SLC45A4: variants seen among roughly 807,000 people sequenced by gnomAD.
SLC45A4 encodes the protein polyamine-transporter SLC45A4.
A neutral mutation model predicts 63.7 loss-of-function variants in SLC45A4; 32 were observed. The ratio of observed to expected loss-of-function variants is 0.50; its 90% confidence interval spans 0.38 to 0.67. The LOEUF (loss-of-function observed/expected upper bound fraction) is 0.67, where lower values mean the gene tolerates loss of function less well. Ranked by LOEUF, SLC45A4 falls within the 30% of genes least tolerant of loss-of-function variation. The probability of loss-of-function intolerance (pLI) is 0.00; values close to 1 mark genes in which losing one functional copy is unlikely to be tolerated. For synonymous variants in SLC45A4, 535 were observed against 510.0 expected, an observed-to-expected ratio of 1.05 and a Z score of -0.66; for missense variants, 1,027 against 1,157.7, an observed-to-expected ratio of 0.89 and a Z score of 1.64.
In SLC45A4 at chr8:141,215,872, T is replaced by C. The variant is rs201465542; in HGVS notation, c.1828A>G (p.Met610Val). The C allele has an allele frequency of 9.2e-5, 149 of 1,614,016 alleles. No individual in the cohort carries two copies. The highest frequency in any genetic ancestry group is 1.1e-4 in the Non-Finnish European group (135 of 1,180,022). Residue 610 changes from methionine (M) to valine (V), a missense_variant, in exon 7 of 9, where the codon ATG (methionine) becomes GTG (valine). By Grantham distance (21) the Met-to-Val change is conservative. Coordinates refer to ENST00000517878, the MANE Select transcript of SLC45A4 (RefSeq NM_001286646.2). The surrounding 1 kb of genome is among the most constrained non-coding windows in gnomAD (Gnocchi z 4.3). The stretch of plus-strand genomic sequence containing the variant: ...ATGGCGACGTAGACGTTGGGAAACA[T>C]GGCCATCACGGCTGTGCCGACAGAG... The part of the protein sequence containing the change: ...GFSVGTAVMA[M>V]FPNVYVAMVT...
intron 2 of SLC45A4, among the ~76,000 whole-genome samples, chr8:141,233,932 A>G (rs1460049836): frequency 6.6e-6 from 1 of 152,146 alleles, no homozygotes; most frequent in African/African-American, 2.4e-5. Context: ...GGTTGAGTGG[A>G]GGCTGAATTC....
chr8:141,237,671 C>T (rs1416881889), intron 2 of SLC45A4, among the ~76,000 whole-genome samples: 1 of 152,182 alleles, frequency 6.6e-6, no homozygotes, highest in Non-Finnish European at 1.5e-5. Context: ...GCCCTCCATG[C>T]CTTCCCCGAA....
chr8:141,299,000 C>T (rs1431662646), intron 1 of SLC45A4, among the ~76,000 whole-genome samples: 1 of 151,974 alleles, frequency 6.6e-6, no homozygotes, highest in Non-Finnish European at 1.5e-5. Flanking sequence ...CCAGTGCCCC[C>T]ACCAGGCGCT....
intron 2 of SLC45A4, among the ~76,000 whole-genome samples, chr8:141,234,988 C>T (rs1449997337): frequency 4.6e-5 from 7 of 152,170 alleles, no homozygotes; most frequent in Admixed American, 3.3e-4. Context: ...GGAATGCGCC[C>T]GCTACCTAGC....
intron 1 of SLC45A4, among the ~76,000 whole-genome samples, chr8:141,294,406 C>T (rs1435006047): frequency 6.6e-6 from 1 of 152,236 alleles, no homozygotes; most frequent in Non-Finnish European, 1.5e-5. Flanking sequence ...CAGAGGCAGC[C>T]CTGACCCCAG....
At chr8:141,292,249 G>A (rs1323781039) in intron 1 of SLC45A4, among the ~76,000 whole-genome samples, 3 of 152,216 alleles carry the variant, frequency 2.0e-5, no homozygotes, top group Admixed American at 2.0e-4. Context: ...ACCAGGGCAC[G>A]CGGCATTCTG....
At chr8:141,244,964 G>GGC in intron 2 of SLC45A4, among the ~76,000 whole-genome samples, 1 of 123,042 alleles carries the variant, frequency 8.1e-6, no homozygotes, top group South Asian at 3.7e-4. Context: ...GGGTGGGGGG[G>GGC]GGGGGCGGTG....
chr8:141,284,173 C>T (rs921957716), intron 1 of SLC45A4, among the ~76,000 whole-genome samples: 1 of 152,240 alleles, frequency 6.6e-6, no homozygotes, highest in African/African-American at 2.4e-5. Flanking sequence ...CTAGATCAAT[C>T]GTTCATCTAG....
rs748696639 is a variant in SLC45A4, at chr8:141,218,612, G to C, written c.1028C>G (p.Thr343Ser). 1 of 1,613,400 alleles carries C rather than the reference G, an allele frequency of 6.2e-7. No individual in the cohort carries two copies. The highest frequency in any genetic ancestry group is 8.5e-7 in the Non-Finnish European group (1 of 1,179,886). Reference sequence around the variant, plus strand: ...GAGCTCCTGGCTGGTGCTGCGGGGGGTGGCGGGGTAGGAGGCGTCGTGGAA... The same window carrying C: ...GAGCTCCTGGCTGGTGCTGCGGGGGCTGGCGGGGTAGGAGGCGTCGTGGAA... The part of the protein sequence containing the change: ...SIFHDASYPA[T>S]PRSTSQELAK... Residue 343 changes from threonine (T) to serine (S), a missense_variant, in exon 5 of 9, where the codon ACC (threonine) becomes AGC (serine). Coordinates refer to ENST00000517878, the MANE Select transcript of SLC45A4 (RefSeq NM_001286646.2).
chr8:141,274,448 C>T (rs975135918), intron 1 of SLC45A4, among the ~76,000 whole-genome samples: 3 of 150,266 alleles, frequency 2.0e-5, no homozygotes, highest in East Asian at 3.9e-4. Context: ...GCAGGAGAAT[C>T]GCTTGAACCC....
In SLC45A4 at chr8:141,291,959, C is replaced by T. The variant is rs146117012; in HGVS notation, c.-401+16137G>A. Among the ~76,000 whole-genome samples, 40 of 152,360 alleles carry T rather than the reference C, an allele frequency of 2.6e-4. No individual in the cohort carries two copies. In the East Asian group the frequency reaches 5.6e-3, roughly 21 times the overall value. On this transcript the variant is annotated intron_variant, in intron 1 of 8. Coordinates refer to ENST00000517878, the MANE Select transcript of SLC45A4 (RefSeq NM_001286646.2). ...CATCTGCATGTTAGGTTCAAAGAAG[C>T]GGCTGGGACACTACCGCTCAACCCT...
intron 7 of SLC45A4, among the ~76,000 whole-genome samples, chr8:141,213,297 G>A (rs545978562): frequency 5.3e-4 from 80 of 152,310 alleles, no homozygotes; most frequent in African/African-American, 1.8e-3. Flanking sequence ...CTTTCCAAGC[G>A]TACACGGAAC....
At chr8:141,263,694 C>T (rs1215919034) in intron 1 of SLC45A4, among the ~76,000 whole-genome samples, 6 of 148,610 alleles carry the variant, frequency 4.0e-5, no homozygotes, top group South Asian at 2.1e-4. Flanking sequence ...TGCTTGAACC[C>T]GGGAGGCAGA....
At chr8:141,285,349 C>T (rs1830098948) in intron 1 of SLC45A4, among the ~76,000 whole-genome samples, 1 of 152,248 alleles carries the variant, frequency 6.6e-6, no homozygotes, top group African/African-American at 2.4e-5. Flanking sequence ...GCCTCGCCTA[C>T]GTTGGAAGAT....
chr8:141,231,906 A>C (rs1827375714), intron 2 of SLC45A4, among the ~76,000 whole-genome samples: 1 of 152,236 alleles, frequency 6.6e-6, no homozygotes, highest in African/African-American at 2.4e-5. Context: ...ACCCCACTTC[A>C]GTTCTTTACC....
chr8:141,271,620 C>A (rs1318127255), intron 1 of SLC45A4, among the ~76,000 whole-genome samples: 2 of 152,278 alleles, frequency 1.3e-5, no homozygotes, highest in African/African-American at 2.4e-5. Context: ...TCAGAAGGGG[C>A]CAGGGAAGCT....
chr8:141,228,222 G>A (rs1205891324), intron 2 of SLC45A4: 1 of 1,614,098 alleles, frequency 6.2e-7, no homozygotes, highest in Admixed American at 1.7e-5. Context: ...GACTCACAAG[G>A]GTCTTTGGAC....
intron 2 of SLC45A4, among the ~76,000 whole-genome samples, chr8:141,237,120 A>C (rs1454929061): frequency 6.6e-6 from 1 of 152,204 alleles, no homozygotes; most frequent in African/African-American, 2.4e-5. Context: ...AAGTTTGGAA[A>C]TTGCCAAAAT....
intron 2 of SLC45A4, chr8:141,252,158 C>T (rs1329169362): frequency 6.6e-6 from 1 of 151,836 alleles, no homozygotes; most frequent in Non-Finnish European, 1.5e-5. Flanking sequence ...TACCAGATAC[C>T]TTATATTGCT....
Sources: allele counts gnomAD v4.1 joint callset (sites outside exome capture counted in the v4.1 genomes callset), GRCh38; gene constraint gnomAD v4.1.1; non-coding constraint Gnocchi (gnomAD v3.1); transcripts MANE v1.5; gene names NCBI Gene and HGNC (gene_info 2026-07-23, HGNC 2026-07-21).